Variants in PIEZO2 observed in about 807,000 individuals in gnomAD.
PIEZO2 encodes the protein piezo-type mechanosensitive ion channel component 2.
PIEZO2 carries 172 observed loss-of-function variants against 337.3 expected under a neutral mutation model. The ratio of observed to expected loss-of-function variants is 0.51; its 90% confidence interval spans 0.45 to 0.58. The LOEUF (loss-of-function observed/expected upper bound fraction) is 0.58. Among genes scored for constraint, PIEZO2 ranks in the 20% least tolerant of loss-of-function variants. PIEZO2 has a pLI of 0.00. For synonymous variants in PIEZO2, 1,251 were observed against 1,228.5 expected (o/e 1.02, Z -0.38); for missense variants, 3,028 against 3,391.3 (o/e 0.89, Z 2.66).
rs2038035069 is a variant in PIEZO2 at position 10,759,605 on chromosome 18, A to G, written c.3656-22T>C. 6.5e-7 allele frequency: 1 copy of G among 1,535,968 alleles called. No homozygotes were observed. Among genetic ancestry groups the G allele is most frequent in the Non-Finnish European group, 8.7e-7 (1 of 1,145,784 alleles). On this transcript the variant is annotated intron_variant, in intron 25 of 55. Transcript: ENST00000674853. This position sits in a 1 kb window ranked among gnomAD's most constrained non-coding sequence, Gnocchi z 5.5. The stretch of plus-strand genomic sequence containing the variant: ...TAATCTGCAGGGAGGGAAGTGGCGA[A>G]CAGCACAATCAATACTCTTCTTCAC...
Position 10,861,646 on chromosome 18 carries a change from C to G in PIEZO2, c.493-4435G>C, listed in dbSNP as rs1310108134. Among the ~76,000 whole-genome samples the G allele has an allele frequency of 6.6e-6, 1 of 152,178 alleles. No homozygotes were observed. The highest frequency in any genetic ancestry group is 2.4e-5 in the African/African-American group (1 of 41,436). On this transcript the variant is annotated intron_variant, in intron 5 of 55. Coordinates refer to ENST00000674853, the MANE Select transcript of PIEZO2 (RefSeq NM_001378183.1). This position sits in a 1 kb window ranked among gnomAD's most constrained non-coding sequence, Gnocchi z 4.3. Reference sequence around the variant, plus strand: ...AAGGGCAGATGCTGATCAAGGGGTACAAAATTTCACTTAGACATGAAGAAT... The same window carrying G: ...AAGGGCAGATGCTGATCAAGGGGTAGAAAATTTCACTTAGACATGAAGAAT...
intron 4 of PIEZO2, among the ~76,000 whole-genome samples, chr18:10,875,158 G>A (rs775739013): frequency 1.3e-5 from 2 of 151,860 alleles, no homozygotes; most frequent in South Asian, 2.1e-4. Flanking sequence ...TTTACAAATC[G>A]CCTCTAAACT....
chr18:10,767,022 C>CCCCTT lies in PIEZO2; in HGVS notation c.2946+3121_2946+3125dup, dbSNP rs1568035210. Among the ~76,000 whole-genome samples the CCCCTT allele has an allele frequency of 6.7e-6, 1 of 149,270 alleles. No homozygotes were observed. The highest frequency in any genetic ancestry group is 2.5e-5 in the African/African-American group (1 of 40,656). ...CCCCTCCCCTCCCCTTCCCTCCCCT[C>CCCCTT]CCCTTCCCTTCCTTCTCCAATTGGC... is the stretch of plus-strand genomic sequence containing the variant. On this transcript the variant is annotated intron_variant, in intron 21 of 55. Coordinates refer to ENST00000674853, the MANE Select transcript of PIEZO2 (RefSeq NM_001378183.1). The surrounding 1 kb of genome is among the most constrained non-coding windows in gnomAD (Gnocchi z 4.2).
At chr18:10,927,529 AT>A (rs2031818779) in intron 3 of PIEZO2, among the ~76,000 whole-genome samples, 1 of 152,334 alleles carries the variant, frequency 6.6e-6, no homozygotes, top group Admixed American at 6.5e-5. Flanking sequence ...TGAACATTAC[AT>A]TTACACAAAA....
intron 5 of PIEZO2, among the ~76,000 whole-genome samples, chr18:10,866,022 T>C (rs143873739): frequency 9.9e-5 from 15 of 152,272 alleles, no homozygotes; most frequent in African/African-American, 3.4e-4. Flanking sequence ...AAAAAGATAG[T>C]TAAAGGTGAA....
Position 10,724,776 on chromosome 18 carries a change from C to A in PIEZO2, c.5030-6517G>T, listed in dbSNP as rs575983483. ...TGGCCTTGCCCGTGGCTCTGGCAGT[C>A]CCCCCAGCACTGCAGCCCCAGCCTG... On this transcript the variant is annotated intron_variant, in intron 36 of 55. Coordinates refer to ENST00000674853, the MANE Select transcript of PIEZO2 (RefSeq NM_001378183.1). The surrounding 1 kb of genome is among the most constrained non-coding windows in gnomAD (Gnocchi z 5.8). 2.3e-5 allele frequency: 36 copies of A among 1,566,796 alleles called. No homozygotes were observed. The East Asian group carries it at 2.9e-4, about 13-fold the overall frequency.
rs2040808428 is a variant in PIEZO2 at position 11,146,277 on chromosome 18, T to C, written c.64+2248A>G. 6.6e-6 allele frequency among the ~76,000 whole-genome samples: 1 copy of C among 152,066 alleles called. No individual in the cohort carries two copies. The highest frequency in any genetic ancestry group is 1.9e-4 in the East Asian group (1 of 5,164). On this transcript the variant is annotated intron_variant, in intron 1 of 55. Transcript: ENST00000674853. The surrounding 1 kb of genome is among the most constrained non-coding windows in gnomAD (Gnocchi z 6.1). ...TTGTCGCCCCTGGAAGCCGAGCTCC[T>C]CCCAGAAAGTCCAGGATCAAAGTGG...
At chr18:10,698,312 C>A (rs1051513404) in intron 44 of PIEZO2, among the ~76,000 whole-genome samples, 1 of 152,186 alleles carries the variant, frequency 6.6e-6, no homozygotes, top group East Asian at 1.9e-4. Flanking sequence ...AAGCTTCAGA[C>A]AGGAGCCCCG....
chr18:10,735,629 AT>A (rs1306772096), intron 34 of PIEZO2, among the ~76,000 whole-genome samples: 1 of 152,242 alleles, frequency 6.6e-6, no homozygotes, highest in African/African-American at 2.4e-5. Context: ...AGTCATTAGT[AT>A]TTGATAAGCC....
chr18:10,797,234 T>C (rs1224659667), intron 12 of PIEZO2, 140 bp downstream of exon 12: 3 of 618,454 alleles, frequency 4.9e-6, no homozygotes, highest in East Asian at 5.6e-5. Context: ...ATATATGTAC[T>C]ATCATGTCAT....
chr18:10,811,278 A>G (rs553200886), intron 7 of PIEZO2, among the ~76,000 whole-genome samples: 3 of 152,214 alleles, frequency 2.0e-5, no homozygotes, highest in African/African-American at 7.2e-5. Flanking sequence ...CAACAATGAT[A>G]TTTGTAGTCA....
intron 43 of PIEZO2, chr18:10,701,771 T>G: frequency 2.4e-6 from 1 of 414,306 alleles, no homozygotes; most frequent in Admixed American, 4.4e-5. Context: ...GTTCCATTAT[T>G]TAGCACCACA....
At chr18:10,956,805 TAAAAATACA>T (rs1276069550) in intron 3 of PIEZO2, among the ~76,000 whole-genome samples, 1 of 151,556 alleles carries the variant, frequency 6.6e-6, no homozygotes, top group Non-Finnish European at 1.5e-5. Context: ...CTGTCTCTAC[TAAAAATACA>T]AAAAATTAGC....
At chr18:11,086,617 C>A (rs1294991076) in intron 1 of PIEZO2, among the ~76,000 whole-genome samples, 1 of 152,010 alleles carries the variant, frequency 6.6e-6, no homozygotes, top group Non-Finnish European at 1.5e-5. Context: ...TATGAAATAT[C>A]CACACAAATT....
At position 10,699,115 on chromosome 18, in the gene PIEZO2, A is replaced by T. The variant is rs2143715004; in HGVS notation, c.6504T>A (p.Asp2168Glu). The T allele has an allele frequency of 1.3e-6, 2 of 1,537,190 alleles. No homozygotes were observed. Among genetic ancestry groups the T allele is most frequent in the Non-Finnish European group, 1.7e-6 (2 of 1,146,908 alleles). The change falls in exon 44 of 56, where the codon GAT becomes GAA. Residue 2168 changes from aspartate (D) to glutamate (E), a missense_variant. By Grantham distance (45) the Asp-to-Glu change is conservative. This residue lies in a region of PIEZO2 where 1,925 missense variants were observed against 2,051.9 expected (regional missense o/e 0.94). Coordinates refer to ENST00000674853, the MANE Select transcript of PIEZO2 (RefSeq NM_001378183.1). ...TGCCATGACCGAGGGAGAGCTCATC[A>T]TCTGATTCCTCCCTGGCCATGCCAC... ...TESGMAREESDDELSLGHGRR... is the reference protein window; with the variant it reads ...TESGMAREESEDELSLGHGRR...
At chr18:10,703,844 G>A (rs1196125013) in intron 42 of PIEZO2, among the ~76,000 whole-genome samples, 3 of 152,182 alleles carry the variant, frequency 2.0e-5, no homozygotes, top group Non-Finnish European at 4.4e-5. Context: ...CTAAGCGGGT[G>A]CTTGTACAAT....
chr18:10,762,942 A>G lies in PIEZO2; in HGVS notation c.3103T>C (p.Phe1035Leu). The stretch of plus-strand genomic sequence containing the variant: ...CTCACCAAGGAACAGTTAACAGAGA[A>G]GTTCTCAGGCTTAATGGTTTGGAGC... ...YQLQTIKPENFSVNCSLPNEN... is the reference protein window; with the variant it reads ...YQLQTIKPENLSVNCSLPNEN... The change falls in exon 22 of 56, where the codon TTC (phenylalanine) becomes CTC (leucine). Residue 1035 changes from phenylalanine (F) to leucine (L), a missense_variant. This residue lies in a region of PIEZO2 where 1,925 missense variants were observed against 2,051.9 expected (regional missense o/e 0.94). Transcript: ENST00000674853. 6.5e-7 allele frequency: 1 copy of G among 1,537,252 alleles called. No individual in the cohort carries two copies. The highest frequency in any genetic ancestry group is 8.7e-7 in the Non-Finnish European group (1 of 1,146,904).
intron 44 of PIEZO2, 33 bp from the exon 45 acceptor site, chr18:10,697,913 T>C: frequency 6.3e-7 from 1 of 1,576,916 alleles, no homozygotes; most frequent in Non-Finnish European, 8.6e-7. Flanking sequence ...AGATGGGTGG[T>C]GGAGCCTGGG....
At chr18:11,017,939 G>A (rs1221896936) in intron 2 of PIEZO2, among the ~76,000 whole-genome samples, 1 of 152,158 alleles carries the variant, frequency 6.6e-6, no homozygotes, top group African/African-American at 2.4e-5. Flanking sequence ...GCCAGCCTGA[G>A]CAACACAGTG....
Sources: allele counts gnomAD v4.1 joint callset (sites outside exome capture counted in the v4.1 genomes callset), GRCh38; gene constraint gnomAD v4.1.1; regional missense constraint gnomAD v4.1.1; non-coding constraint Gnocchi (gnomAD v3.1); transcripts MANE v1.5; gene names NCBI Gene and HGNC (gene_info 2026-07-23, HGNC 2026-07-21).